Variants in ARHGEF18 observed in about 807,000 individuals in gnomAD.
ARHGEF18 encodes the protein rho guanine nucleotide exchange factor 18.
In ARHGEF18, 93 loss-of-function variants were observed where a neutral mutation model predicts 155.7. The observed-to-expected ratio is 0.60, with a 90% CI of 0.50 to 0.71. ARHGEF18 has a LOEUF of 0.71. ARHGEF18 is among the 30% of genes least tolerant of loss of function. ARHGEF18 has a pLI of 0.00. For synonymous variants in ARHGEF18, 742 were observed against 753.1 expected, an observed-to-expected ratio of 0.99 and a Z score of 0.24; for missense variants, 1,593 against 1,816.1, an observed-to-expected ratio of 0.88 and a Z score of 2.23.
At position 7,367,758 on chromosome 19, in the gene ARHGEF18, A is replaced by AATAT. The variant is rs200869379; in HGVS notation, c.15+4865_15+4868dup. 1.2e-4 allele frequency among the ~76,000 whole-genome samples: 9 copies of AATAT among 74,114 alleles called. 3 individuals are homozygous for AATAT. Among genetic ancestry groups the AATAT allele is most frequent in the African/African-American group, 5.7e-4 (8 of 14,060 alleles). 48.6% of individuals were successfully genotyped at this position (74,114 alleles called of 152,430 possible). A position where few individuals can be genotyped will look rare whatever the true frequency, so the allele number is the denominator to read the frequency against. ...TGAAACTCCATCTCAAAAAAAAAAAAATATATATATATATACACATATATA... is the reference window on the plus strand; with the variant it reads ...TGAAACTCCATCTCAAAAAAAAAAAAATATATATATATATATATACACATATATA... On this transcript the variant is annotated intron_variant, in intron 2 of 28. Coordinates refer to ENST00000668164, the MANE Select transcript of ARHGEF18 (RefSeq NM_001367823.1).
intron 10 of ARHGEF18, among the ~76,000 whole-genome samples, chr19:7,414,624 GAT>G (rs1972888039): frequency 6.6e-6 from 1 of 151,936 alleles, no homozygotes; most frequent in Non-Finnish European, 1.5e-5. Context: ...TCCTGGCCAA[GAT>G]GGTGAAACCC....
At chr19:7,372,348 G>A (rs1355178954) in intron 2 of ARHGEF18, among the ~76,000 whole-genome samples, 1 of 151,974 alleles carries the variant, frequency 6.6e-6, no homozygotes, top group Non-Finnish European at 1.5e-5. Flanking sequence ...GGTTTTGCAA[G>A]AAGAAAAGGC....
At chr19:7,460,479 C>G (rs180755456) in intron 20 of ARHGEF18, among the ~76,000 whole-genome samples, 187 of 152,242 alleles carry the variant, frequency 1.2e-3, no homozygotes, top group East Asian at 0.012. Flanking sequence ...ATTATGCAGC[C>G]AGAATCATGT....
chr19:7,454,074 G>T (rs1479353034), intron 17 of ARHGEF18, among the ~76,000 whole-genome samples: 2 of 151,344 alleles, frequency 1.3e-5, no homozygotes, highest in East Asian at 3.9e-4. Context: ...CATCATCTTG[G>T]ATTGGTAGGT....
chr19:7,442,198 T>G (rs983958013), intron 13 of ARHGEF18, 146 bp downstream of exon 13: 1 of 1,175,752 alleles, frequency 8.5e-7, no homozygotes, highest in Non-Finnish European at 1.2e-6. Context: ...TCTTTCTCTC[T>G]TTCCTTCTCT....
intron 10 of ARHGEF18, among the ~76,000 whole-genome samples, chr19:7,429,781 G>T (rs1973856725): frequency 1.3e-5 from 2 of 152,140 alleles, no homozygotes; most frequent in South Asian, 2.1e-4. Context: ...CACAAGAGGG[G>T]CCCAGAGGGC....
At chr19:7,474,754 A>AGTGTGTGTGTGTGTGTGT (rs3219570), downstream of ARHGEF18, among the ~76,000 whole-genome samples, 4,581 of 141,948 alleles carry the variant, frequency 0.032, 121 homozygotes, top group East Asian at 0.069. Context: ...TGGGCATTGG[A>AGTGTGTGTGTGTGTGTGT]GTGTGTGTGT....
At chr19:7,442,995 T>G (rs1974761797) in intron 13 of ARHGEF18, among the ~76,000 whole-genome samples, 1 of 151,592 alleles carries the variant, frequency 6.6e-6, no homozygotes, top group South Asian at 2.1e-4. Context: ...GTTCAAGCAA[T>G]TGTCCTGCCT....
At chr19:7,352,585 G>A (rs1247239667) in intron 1 of ARHGEF18, among the ~76,000 whole-genome samples, 5 of 106,064 alleles carry the variant, frequency 4.7e-5, no homozygotes, top group African/African-American at 1.8e-4. Flanking sequence ...CCAGGCTGTC[G>A]TGCAGTGGCA....
At chr19:7,469,425 C>T (rs1010810878) in intron 27 of ARHGEF18, among the ~76,000 whole-genome samples, 1 of 152,174 alleles carries the variant, frequency 6.6e-6, no homozygotes, top group African/African-American at 2.4e-5. Flanking sequence ...TCCCTGGCCA[C>T]GTGGGATCAG....
intron 15 of ARHGEF18, among the ~76,000 whole-genome samples, chr19:7,450,450 AGATGTTAATACAGGATCTTGCTTTCCG>A: frequency 1.2e-5 from 1 of 85,566 alleles, no homozygotes; most frequent in East Asian, 3.7e-4. Flanking sequence ...TCCGTTTCCG[AGATGTTAATACAGGATCTTGCTTTCCG>A]TTTCCGTTTC....
rs1046787356 is a variant in ARHGEF18, at chr19:7,421,947, G to A, written c.968-18397G>A. Among the ~76,000 whole-genome samples the A allele has an allele frequency of 2.0e-4, 31 of 151,908 alleles. 1 individual carries two copies. Among genetic ancestry groups the A allele is most frequent in the South Asian group, 4.2e-4 (2 of 4,810 alleles). ...CCTTCCTTCTTCCAGGTCCCACCTCGGTGGCCCAAACCAGACATCTTCGTC... is the reference window on the plus strand; with the variant it reads ...CCTTCCTTCTTCCAGGTCCCACCTCAGTGGCCCAAACCAGACATCTTCGTC... On this transcript the variant is annotated intron_variant, in intron 10 of 28. Coordinates refer to ENST00000668164, the MANE Select transcript of ARHGEF18 (RefSeq NM_001367823.1).
chr19:7,381,783 A>G (rs1321928526), intron 8 of ARHGEF18, among the ~76,000 whole-genome samples: 2 of 152,306 alleles, frequency 1.3e-5, no homozygotes, highest in Non-Finnish European at 2.9e-5. Flanking sequence ...GGATGGGGAC[A>G]GTATGAGGAC....
intron 1 of ARHGEF18, among the ~76,000 whole-genome samples, chr19:7,350,842 C>T (rs1306490437): frequency 6.6e-6 from 1 of 151,056 alleles, no homozygotes; most frequent in African/African-American, 2.4e-5. Flanking sequence ...CTTGCTCTAT[C>T]GCCCAGGCTG....
chr19:7,367,859 CATATATATTTTTAT>C, intron 2 of ARHGEF18, among the ~76,000 whole-genome samples: 1 of 33,518 alleles, frequency 3.0e-5, no homozygotes, highest in African/African-American at 1.4e-4. Context: ...TATATATACA[CATATATATTTTTAT>C]ATATATATAT....
intron 10 of ARHGEF18, among the ~76,000 whole-genome samples, chr19:7,385,866 T>TCTCTCTCTCTCCCC: frequency 1.2e-5 from 1 of 82,108 alleles, no homozygotes; most frequent in African/African-American, 7.8e-5. Flanking sequence ...TCTCTCTCTC[T>TCTCTCTCTCTCCCC]CTCTCCCCCC....
Position 7,460,274 on chromosome 19 carries a change from C to T in ARHGEF18, c.2452+280C>T, listed in dbSNP as rs551885273. ...GCCGACCACACAGCCACACACGCCA[C>T]CACCACCCCATCCTCGTGCAGCCAG... On this transcript the variant is annotated intron_variant, in intron 20 of 28. Coordinates refer to ENST00000668164, the MANE Select transcript of ARHGEF18 (RefSeq NM_001367823.1). Among the ~76,000 whole-genome samples, 4 of 152,254 alleles carry T rather than the reference C, an allele frequency of 2.6e-5. No individual in the cohort carries two copies. In the East Asian group the frequency reaches 5.8e-4, roughly 22 times the overall value.
intron 10 of ARHGEF18, among the ~76,000 whole-genome samples, chr19:7,401,689 G>GC (rs1487688132): frequency 6.6e-6 from 1 of 152,204 alleles, no homozygotes; most frequent in Non-Finnish European, 1.5e-5. Context: ...TTCCTCCAAA[G>GC]CTTAAACCTT....
intron 10 of ARHGEF18, among the ~76,000 whole-genome samples, chr19:7,415,805 C>T (rs1214386026): frequency 6.6e-6 from 1 of 152,070 alleles, no homozygotes; most frequent in East Asian, 1.9e-4. Context: ...TTTGCAGAGT[C>T]AGTGTTTACC....
Sources: allele counts gnomAD v4.1 joint callset (sites outside exome capture counted in the v4.1 genomes callset), GRCh38; gene constraint gnomAD v4.1.1; transcripts MANE v1.5; gene names NCBI Gene and HGNC (gene_info 2026-07-23, HGNC 2026-07-21).